The following AAK1 variants were observed in gnomAD, a reference collection of about 807,000 sequenced individuals.
AAK1 encodes the protein AP2-associated protein kinase 1.
Under a neutral mutation model 116.0 loss-of-function variants are expected in AAK1, and 37 were observed. The observed-to-expected ratio is 0.32, with a 90% CI of 0.25 to 0.42. The LOEUF (loss-of-function observed/expected upper bound fraction) is 0.42. Ranked by LOEUF, AAK1 falls within the 10% of genes least tolerant of loss-of-function variation. The pLI is 1.00. For synonymous variants in AAK1, 458 were observed against 439.9 expected (o/e 1.04, Z -0.51); for missense variants, 919 against 1,170.6 (o/e 0.79, Z 3.14).
chr2:69,633,048 T>A (rs530969829), intron 2 of AAK1, among the ~76,000 whole-genome samples: 5 of 144,716 alleles, frequency 3.5e-5, no homozygotes, highest in African/African-American at 1.3e-4. Context: ...AAAAAATAAA[T>A]AAAAATAAAA....
chr2:69,492,715 GATT>G (rs1311936822), intron 17 of AAK1, among the ~76,000 whole-genome samples: 1 of 150,322 alleles, frequency 6.7e-6, no homozygotes, highest in Non-Finnish European at 1.5e-5. Context: ...TAGAGACAGG[GATT>G]TCATCGTATT....
chr2:69,629,615 G>A (rs1022658779), intron 2 of AAK1, among the ~76,000 whole-genome samples: 2 of 152,110 alleles, frequency 1.3e-5, no homozygotes, highest in African/African-American at 2.4e-5. Context: ...TCTATTATAC[G>A]ATTGGAATAG....
intron 16 of AAK1, among the ~76,000 whole-genome samples, chr2:69,500,463 C>T (rs1675923803): frequency 6.6e-6 from 1 of 151,800 alleles, no homozygotes; most frequent in Admixed American, 6.6e-5. Flanking sequence ...AGCTGGGCTA[C>T]AGGTACAAAT....
intron 2 of AAK1, among the ~76,000 whole-genome samples, chr2:69,601,845 T>C (rs1673594205): frequency 6.6e-6 from 1 of 152,238 alleles, no homozygotes; most frequent in Non-Finnish European, 1.5e-5. Context: ...AGAGGATTTA[T>C]ATACAAAGTA....
chr2:69,613,956 T>C (rs943158858), intron 2 of AAK1, among the ~76,000 whole-genome samples: 3 of 152,220 alleles, frequency 2.0e-5, no homozygotes, highest in Non-Finnish European at 4.4e-5. Flanking sequence ...GCCCTTAATC[T>C]GTAAAATCTG....
chr2:69,466,555 G>T lies in AAK1; in HGVS notation c.*9314C>A. 1 of 1,181,342 alleles carries T rather than the reference G, an allele frequency of 8.5e-7. No individual in the cohort carries two copies. Among genetic ancestry groups the T allele is most frequent in the Non-Finnish European group, 1.1e-6 (1 of 935,640 alleles). The allele number at this position is 1,181,342 out of a possible 1,614,324, so 73.2% of individuals were successfully genotyped here. ...GGATTGGACTCCCTCTGGAGATCTA[G>T]AAAAGCATAAAATGCAGAATTAATG... On this transcript the variant is annotated 3_prime_UTR_variant, in exon 22 of 22. Coordinates refer to ENST00000409085, the MANE Select transcript of AAK1 (RefSeq NM_014911.5).
intron 6 of AAK1, 42 bp from the exon 7 acceptor site, chr2:69,530,748 T>C: frequency 6.8e-7 from 1 of 1,467,662 alleles, no homozygotes; most frequent in Non-Finnish European, 9.5e-7. Context: ...ATGTCAATAC[T>C]ATAATTAAAA....
At chr2:69,523,057 T>C (rs983360244) in intron 10 of AAK1, among the ~76,000 whole-genome samples, 1 of 152,262 alleles carries the variant, frequency 6.6e-6, no homozygotes, top group Non-Finnish European at 1.5e-5. Context: ...AACATATGCC[T>C]ACATCATAAG....
intron 2 of AAK1, among the ~76,000 whole-genome samples, chr2:69,627,298 A>G (rs1021410941): frequency 9.6e-5 from 13 of 135,338 alleles, no homozygotes; most frequent in Middle Eastern, 7.0e-3. Flanking sequence ...CAAAAAGAGA[A>G]AAAAAAAAAA....
chr2:69,471,590 A>G lies in AAK1; in HGVS notation c.*4279T>C. On this transcript the variant is annotated 3_prime_UTR_variant, in exon 22 of 22. Coordinates refer to ENST00000409085, the MANE Select transcript of AAK1 (RefSeq NM_014911.5). Reference sequence around the variant, plus strand: ...CACACTGGGCAATCCTGTCATTTTCATCCCAAAGCTCAAAGTTAGTGGCTA... The same window carrying G: ...CACACTGGGCAATCCTGTCATTTTCGTCCCAAAGCTCAAAGTTAGTGGCTA... 1.0e-6 allele frequency: 1 copy of G among 985,406 alleles called. No individual in the cohort carries two copies. The highest frequency in any genetic ancestry group is 1.2e-6 in the Non-Finnish European group (1 of 829,894). 61.0% of individuals were successfully genotyped at this position (985,406 alleles called of 1,614,324 possible). A position where few individuals can be genotyped will look rare whatever the true frequency, so the allele number is the denominator to read the frequency against.
chr2:69,625,361 A>C (rs6750389), intron 2 of AAK1, among the ~76,000 whole-genome samples: 20,067 of 152,206 alleles, frequency 0.13, 3,063 homozygotes, highest in African/African-American at 0.36. Flanking sequence ...AAATTCAAAA[A>C]AGACAGCAAT....
intron 3 of AAK1, among the ~76,000 whole-genome samples, chr2:69,548,882 C>T (rs1417955280): frequency 6.6e-6 from 1 of 151,874 alleles, no homozygotes; most frequent in Admixed American, 6.6e-5. Flanking sequence ...GTACTACAAG[C>T]GTGAGCCACC....
intron 2 of AAK1, 29 bp downstream of exon 2, chr2:69,642,849 A>C: frequency 1.2e-6 from 2 of 1,613,334 alleles, no homozygotes; most frequent in Non-Finnish European, 1.7e-6. Flanking sequence ...ACAAGATTTT[A>C]ATTTACGGCG....
chr2:69,477,333 A>G (rs1458720346), intron 20 of AAK1, among the ~76,000 whole-genome samples: 1 of 152,138 alleles, frequency 6.6e-6, no homozygotes, highest in African/African-American at 2.4e-5. Flanking sequence ...GTCTTCACTG[A>G]GGGAACAGAG....
intron 2 of AAK1, among the ~76,000 whole-genome samples, chr2:69,607,123 CAG>C (rs1217716415): frequency 6.7e-6 from 1 of 149,058 alleles, no homozygotes; most frequent in East Asian, 2.0e-4. Context: ...GAAGGTTTGA[CAG>C]AGAGTGTTAT....
At chr2:69,493,197 T>C (rs1675609456) in intron 17 of AAK1, among the ~76,000 whole-genome samples, 1 of 144,444 alleles carries the variant, frequency 6.9e-6, no homozygotes, top group African/African-American at 2.6e-5. Flanking sequence ...GGCCTTGATA[T>C]AGAAGCTGTG....
chr2:69,606,520 T>C (rs376861968), intron 2 of AAK1, among the ~76,000 whole-genome samples: 2 of 152,172 alleles, frequency 1.3e-5, no homozygotes, highest in South Asian at 4.1e-4. Context: ...GATAAAAATC[T>C]GTAGGTCACT....
At position 69,634,254 on chromosome 2, in the gene AAK1, T is replaced by C. The variant is rs575594106; in HGVS notation, c.163+8624A>G. Among the ~76,000 whole-genome samples the C allele has an allele frequency of 2.0e-5, 3 of 152,334 alleles. No homozygotes were observed. The South Asian group carries it at 6.2e-4, about 32-fold the overall frequency. ...AGAATTTTAAGGAAGAATCCTATAC[T>C]TGTAGCTAGGAGCCTCGGGTTCAAG... On this transcript the variant is annotated intron_variant, in intron 2 of 21. Transcript: ENST00000409085.
At chr2:69,538,720 A>G (rs1670582364) in intron 5 of AAK1, among the ~76,000 whole-genome samples, 1 of 152,180 alleles carries the variant, frequency 6.6e-6, no homozygotes, top group Admixed American at 6.5e-5. Flanking sequence ...CGTCTCTACT[A>G]AAAATACAAA....
Sources: gnomAD v4.1 joint callset for allele counts (sites outside exome capture counted in the v4.1 genomes callset) on GRCh38, gnomAD v4.1.1 for gene constraint, MANE v1.5 for transcripts, NCBI Gene and HGNC (gene_info 2026-07-23, HGNC 2026-07-21) for gene names.